Variants in EPHA6 observed in about 807,000 individuals in gnomAD.
EPHA6 encodes the protein ephrin type-A receptor 6.
In EPHA6, 50 loss-of-function variants were observed where a neutral mutation model predicts 112.0. The observed-to-expected ratio is 0.45, with a 90% CI of 0.36 to 0.56. The LOEUF is 0.56. EPHA6 is among the 20% of genes least tolerant of loss of function. EPHA6 has a pLI of 0.00. For synonymous variants in EPHA6, 529 were observed against 490.7 expected, an observed-to-expected ratio of 1.08 and a Z score of -1.03; for missense variants, 1,280 against 1,417.4, an observed-to-expected ratio of 0.90 and a Z score of 1.56.
chr3:97,758,532 C>T lies in EPHA6; in HGVS notation c.*9831C>T, dbSNP rs78329246. Among the ~76,000 whole-genome samples, 3,770 of 151,894 alleles carry T rather than the reference C, an allele frequency of 0.025. 72 individuals are homozygous for T. Among genetic ancestry groups the T allele is most frequent in the African/African-American group, 0.047 (1,937 of 41,464 alleles). On this transcript the variant is annotated 3_prime_UTR_variant, in exon 18 of 18. Transcript: ENST00000389672. ...CACTACCATGTACCATTGTCCTGTT[C>T]GAAGCACTGAGGATACATGGTGACC...
intron 1 of EPHA6, among the ~76,000 whole-genome samples, chr3:96,823,018 A>G (rs992811012): frequency 1.4e-4 from 21 of 151,718 alleles, no homozygotes; most frequent in Non-Finnish European, 1.5e-5. Context: ...AGTTTCATTA[A>G]TATATATTCT....
At chr3:97,355,353 C>T (rs2084017227) in intron 5 of EPHA6, among the ~76,000 whole-genome samples, 1 of 152,012 alleles carries the variant, frequency 6.6e-6, no homozygotes, top group Non-Finnish European at 1.5e-5. Flanking sequence ...AAACAAGAAA[C>T]AGTTCAAAAC....
At chr3:97,494,701 G>A (rs1423778204) in intron 10 of EPHA6, among the ~76,000 whole-genome samples, 1 of 151,522 alleles carries the variant, frequency 6.6e-6, no homozygotes. Context: ...AAAAAAAAAA[G>A]TGCTTCCTTA....
intron 11 of EPHA6, among the ~76,000 whole-genome samples, chr3:97,549,951 T>C (rs2093007349): frequency 6.6e-6 from 1 of 152,124 alleles, no homozygotes; most frequent in African/African-American, 2.4e-5. Flanking sequence ...TGAGAGTGAG[T>C]GGTGAGTCTG....
At chr3:97,611,746 G>C (rs1268948493) in intron 13 of EPHA6, among the ~76,000 whole-genome samples, 1 of 151,478 alleles carries the variant, frequency 6.6e-6, no homozygotes, top group Non-Finnish European at 1.5e-5. Flanking sequence ...TTGCCACTTG[G>C]GATGTTACAT....
chr3:97,637,443 G>A (rs1232178323), intron 13 of EPHA6, among the ~76,000 whole-genome samples: 4 of 151,878 alleles, frequency 2.6e-5, no homozygotes, highest in African/African-American at 7.3e-5. Context: ...GTTATCACAC[G>A]GGTTTTATCC....
At chr3:96,889,776 A>C (rs1453401010) in intron 2 of EPHA6, among the ~76,000 whole-genome samples, 1 of 152,154 alleles carries the variant, frequency 6.6e-6, no homozygotes, top group Non-Finnish European at 1.5e-5. Context: ...AAAATACGAA[A>C]ACTTATTATA....
intron 16 of EPHA6, among the ~76,000 whole-genome samples, chr3:97,741,719 A>G (rs982570108): frequency 1.3e-5 from 2 of 152,162 alleles, no homozygotes; most frequent in African/African-American, 4.8e-5. Flanking sequence ...GAAAGGCAAG[A>G]TGTTTGCTAG....
chr3:96,861,392 T>C (rs569175052), intron 1 of EPHA6, among the ~76,000 whole-genome samples: 1 of 152,198 alleles, frequency 6.6e-6, no homozygotes, highest in East Asian at 1.9e-4. Context: ...GCCCTTTTTT[T>C]TCTATTTAAG....
At chr3:97,379,356 C>A (rs576396101) in intron 5 of EPHA6, among the ~76,000 whole-genome samples, 1 of 152,114 alleles carries the variant, frequency 6.6e-6, no homozygotes, top group South Asian at 2.1e-4. Flanking sequence ...TGCTTCAGAA[C>A]TAGGAGAAAT....
chr3:96,853,256 C>G (rs2035502027), intron 1 of EPHA6, among the ~76,000 whole-genome samples: 1 of 151,940 alleles, frequency 6.6e-6, no homozygotes, highest in Non-Finnish European at 1.5e-5. Context: ...AGAACAGAAA[C>G]TTTACAGAAA....
chr3:97,000,205 T>C (rs965141185), intron 3 of EPHA6, among the ~76,000 whole-genome samples: 1 of 151,500 alleles, frequency 6.6e-6, no homozygotes, highest in South Asian at 2.1e-4. Flanking sequence ...TAAGTTAATG[T>C]CACTTATTTT....
chr3:97,152,374 G>A (rs1193169661), intron 3 of EPHA6, among the ~76,000 whole-genome samples: 4 of 150,864 alleles, frequency 2.7e-5, no homozygotes, highest in African/African-American at 7.3e-5. Context: ...AATTATTTAT[G>A]TGAAAAAGTT....
At chr3:97,354,771 A>C (rs2083983046) in intron 5 of EPHA6, among the ~76,000 whole-genome samples, 1 of 152,204 alleles carries the variant, frequency 6.6e-6, no homozygotes, top group Admixed American at 6.5e-5. Flanking sequence ...TAGAACACCA[A>C]GCAGGTTTAA....
At chr3:97,721,496 T>C (rs1364853281) in intron 15 of EPHA6, among the ~76,000 whole-genome samples, 2 of 152,234 alleles carry the variant, frequency 1.3e-5, no homozygotes, top group Non-Finnish European at 2.9e-5. Context: ...GGGTGTCTAC[T>C]GACTCTGTGG....
intron 3 of EPHA6, among the ~76,000 whole-genome samples, chr3:97,076,362 C>T (rs1480309719): frequency 1.3e-5 from 2 of 152,102 alleles, no homozygotes; most frequent in Non-Finnish European, 2.9e-5. Flanking sequence ...CACAACATTC[C>T]GTTAAGCCAA....
chr3:96,946,836 G>T (rs541495206), intron 2 of EPHA6, among the ~76,000 whole-genome samples: 84 of 152,242 alleles, frequency 5.5e-4, no homozygotes, highest in Middle Eastern at 3.4e-3. Context: ...TCAAGCACCT[G>T]TTGTTTCCTG....
intron 3 of EPHA6, among the ~76,000 whole-genome samples, chr3:97,050,997 C>A (rs911300066): frequency 9.9e-5 from 15 of 152,050 alleles, no homozygotes; most frequent in African/African-American, 3.6e-4. Flanking sequence ...TTGAATGAGG[C>A]TTCTATTGAA....
intron 14 of EPHA6, among the ~76,000 whole-genome samples, chr3:97,643,676 A>G (rs2094030570): frequency 2.0e-5 from 3 of 152,114 alleles, no homozygotes; most frequent in South Asian, 4.1e-4. Flanking sequence ...AAACCAACAA[A>G]GATCAAAAGA....
Sources: gnomAD v4.1 joint callset for allele counts (sites outside exome capture counted in the v4.1 genomes callset) on GRCh38, gnomAD v4.1.1 for gene constraint, MANE v1.5 for transcripts, NCBI Gene and HGNC (gene_info 2026-07-23, HGNC 2026-07-21) for gene names.